TMPRSS15: variants seen among roughly 807,000 people sequenced by gnomAD.
The protein encoded by TMPRSS15 is transmembrane serine protease 15.
In TMPRSS15, 128 loss-of-function variants were observed where a neutral mutation model predicts 125.3. That is an observed-to-expected ratio of 1.02 (90% CI 0.89 to 1.18). TMPRSS15 has a LOEUF of 1.18. TMPRSS15 is among the 50% of genes most tolerant of loss of function. The probability of loss-of-function intolerance (pLI) is 0.00; values close to 1 mark genes in which losing one functional copy is unlikely to be tolerated. For missense variants in TMPRSS15, 1,283 were observed against 1,212.7 expected, an observed-to-expected ratio of 1.06 and a Z score of -0.86; for synonymous variants, 446 against 423.2, an observed-to-expected ratio of 1.05 and a Z score of -0.66.
upstream of TMPRSS15, among the ~76,000 whole-genome samples, chr21:18,405,088 C>A (rs1020286155): frequency 1.3e-5 from 2 of 152,048 alleles, no homozygotes; most frequent in Non-Finnish European, 2.9e-5. Context: ...TGACTGTTTT[C>A]TTTGTATGGC....
intron 1 of TMPRSS15, among the ~76,000 whole-genome samples, chr21:18,400,217 A>C (rs1234522652): frequency 6.6e-6 from 1 of 152,172 alleles, no homozygotes; most frequent in Non-Finnish European, 1.5e-5. Context: ...TAAAATCATA[A>C]AAAATGATTC....
At chr21:18,271,188 T>C (rs537870167) in intron 24 of TMPRSS15, among the ~76,000 whole-genome samples, 22 of 152,304 alleles carry the variant, frequency 1.4e-4, no homozygotes, top group Admixed American at 1.4e-3. Flanking sequence ...GCAGGGACTG[T>C]GATTTCTATT....
chr21:18,333,593 T>TGG, intron 13 of TMPRSS15, among the ~76,000 whole-genome samples: 1 of 152,260 alleles, frequency 6.6e-6, no homozygotes, highest in East Asian at 1.9e-4. Flanking sequence ...GAAGCTTCAC[T>TGG]ATTCTGCACA....
chr21:18,325,867 G>GAAC (rs978218893), intron 16 of TMPRSS15, among the ~76,000 whole-genome samples: 36 of 151,786 alleles, frequency 2.4e-4, no homozygotes, highest in African/African-American at 8.5e-4. Context: ...TATCCATGAT[G>GAAC]AACATGCCGC....
chr21:18,409,363 A>G (rs1035828792), intron 1 of TMPRSS15, among the ~76,000 whole-genome samples: 3 of 151,968 alleles, frequency 2.0e-5, no homozygotes, highest in Non-Finnish European at 4.4e-5. Context: ...TTTCCCTTTT[A>G]TCTCAGGAAA....
intron 21 of TMPRSS15, among the ~76,000 whole-genome samples, chr21:18,285,627 T>C (rs1248809551): frequency 6.6e-6 from 1 of 152,178 alleles, no homozygotes; most frequent in Non-Finnish European, 1.5e-5. Context: ...TTCTGAAACA[T>C]AGTGTTGTTG....
chr21:18,449,858 A>AAC lies in TMPRSS15; in HGVS notation c.10+35939_10+35940dup, dbSNP rs760464791. On this transcript the variant is annotated intron_variant, in intron 1 of 7. Coordinates refer to the TMPRSS15 transcript ENST00000422787. ...AGTAAACTCATGAATCTTTCCCTCA[A>AAC]ACACACACACACACACACGCACACA... 2.9e-4 allele frequency among the ~76,000 whole-genome samples: 24 copies of AAC among 81,420 alleles called. No homozygotes were observed. In the South Asian group the frequency reaches 3.5e-3, roughly 12 times the overall value. 53.4% of individuals were successfully genotyped at this position (81,420 alleles called of 152,430 possible).
intron 1 of TMPRSS15, among the ~76,000 whole-genome samples, chr21:18,467,602 T>C (rs1978693814): frequency 1.3e-5 from 2 of 151,904 alleles, no homozygotes; most frequent in South Asian, 4.1e-4. Context: ...TTGTCTGACT[T>C]GGAAAAATGT....
intron 24 of TMPRSS15, among the ~76,000 whole-genome samples, chr21:18,270,805 G>C (rs2074545905): frequency 6.6e-6 from 1 of 152,116 alleles, no homozygotes; most frequent in Non-Finnish European, 1.5e-5. Flanking sequence ...CGTGATTCCT[G>C]TGTAATGCAA....
intron 18 of TMPRSS15, among the ~76,000 whole-genome samples, chr21:18,312,102 A>G (rs2075106696): frequency 1.3e-5 from 2 of 152,160 alleles, no homozygotes; most frequent in Non-Finnish European, 2.9e-5. Flanking sequence ...AGATAACCAC[A>G]TGTGAGCCAA....
intron 13 of TMPRSS15, among the ~76,000 whole-genome samples, chr21:18,335,074 C>A (rs1425594501): frequency 1.3e-5 from 2 of 152,130 alleles, no homozygotes; most frequent in Non-Finnish European, 2.9e-5. Context: ...AAGGGTCTAC[C>A]ACAATCCTAT....
intron 18 of TMPRSS15, among the ~76,000 whole-genome samples, chr21:18,306,827 C>A (rs901805322): frequency 1.3e-5 from 2 of 151,624 alleles, no homozygotes; most frequent in Non-Finnish European, 2.9e-5. Context: ...AAAATGTTTT[C>A]TTTCATACTT....
chr21:18,393,832 T>C (rs1275804863), intron 3 of TMPRSS15, among the ~76,000 whole-genome samples: 1 of 152,138 alleles, frequency 6.6e-6, no homozygotes, highest in Non-Finnish European at 1.5e-5. Context: ...AAATAGCCTA[T>C]CAAAACAGAG....
chr21:18,442,441 C>A (rs193287781), intron 1 of TMPRSS15, among the ~76,000 whole-genome samples: 1 of 152,132 alleles, frequency 6.6e-6, no homozygotes, highest in Non-Finnish European at 1.5e-5. Flanking sequence ...TTCACTCTTG[C>A]AAACTTTTGC....
chr21:18,409,907 C>CT (rs2076161451), intron 1 of TMPRSS15, among the ~76,000 whole-genome samples: 1 of 119,010 alleles, frequency 8.4e-6, no homozygotes, highest in Non-Finnish European at 1.7e-5. Flanking sequence ...TCCTTCTTCC[C>CT]TCCCTCCCTC....
upstream of TMPRSS15, among the ~76,000 whole-genome samples, chr21:18,408,180 T>C (rs116480607): frequency 1.5e-3 from 236 of 152,300 alleles, 2 homozygotes; most frequent in African/African-American, 5.5e-3. Flanking sequence ...GCACAACATA[T>C]AGTGTTCATT....
At chr21:18,282,385 A>G (rs1264989750) in intron 21 of TMPRSS15, among the ~76,000 whole-genome samples, 1 of 152,196 alleles carries the variant, frequency 6.6e-6, no homozygotes, top group African/African-American at 2.4e-5. Context: ...GTAAAATTCA[A>G]TGGTTGCAAT....
chr21:18,430,208 A>G (rs970832858), intron 1 of TMPRSS15, among the ~76,000 whole-genome samples: 2 of 152,232 alleles, frequency 1.3e-5, no homozygotes, highest in African/African-American at 4.8e-5. Flanking sequence ...GCTGGTGAAT[A>G]ATCATATTTC....
In TMPRSS15 at chr21:18,278,981, C is replaced by T; in HGVS notation, c.2747G>A (p.Gly916Glu). The T allele has an allele frequency of 6.4e-7, 1 of 1,557,000 alleles. No homozygotes were observed. Among genetic ancestry groups the T allele is most frequent in the Non-Finnish European group, 8.8e-7 (1 of 1,138,234 alleles). The change falls in exon 23 of 25, where the codon GGG (glycine) becomes GAG (glutamate). Residue 916 changes from glycine (G) to glutamate (E), a missense_variant. By Grantham distance (98) the Gly-to-Glu change is moderately conservative. Coordinates refer to ENST00000284885, the MANE Select transcript of TMPRSS15 (RefSeq NM_002772.3). ...TAATTTACCTTGATATACAACCGTC[C>T]CCCAACCAGCAATAGAACAATTTCT... Reference protein sequence around the residue: ...PGRNCSIAGWGTVVYQGTTAN... With the variant: ...PGRNCSIAGWETVVYQGTTAN...
Sources: allele counts gnomAD v4.1 joint callset (sites outside exome capture counted in the v4.1 genomes callset), GRCh38; gene constraint gnomAD v4.1.1; transcripts MANE v1.5; gene names NCBI Gene and HGNC (gene_info 2026-07-23, HGNC 2026-07-21).